Variants in UNC13B observed in about 807,000 individuals in gnomAD.
The protein encoded by UNC13B is unc-13 homolog B.
Under a neutral mutation model 211.0 loss-of-function variants are expected in UNC13B, and 144 were observed. The ratio of observed to expected loss-of-function variants is 0.68; its 90% CI spans 0.60 to 0.78. The LOEUF is 0.78. UNC13B is among the 30% of genes least tolerant of loss of function. UNC13B has a pLI of 0.00. For missense variants in UNC13B, 1,777 were observed against 2,002.0 expected, an observed-to-expected ratio of 0.89 and a Z score of 2.14; for synonymous variants, 709 against 725.8, an observed-to-expected ratio of 0.98 and a Z score of 0.37.
intron 7 of UNC13B, 24 bp downstream of exon 7, chr9:35,259,074 ATC>A: frequency 6.2e-7 from 1 of 1,612,092 alleles, no homozygotes; most frequent in Non-Finnish European, 8.5e-7. Flanking sequence ...TTGTCTATGA[ATC>A]TCTTTTAATT....
chr9:35,387,291 T>C (rs1044104345), intron 24 of UNC13B, among the ~76,000 whole-genome samples: 1 of 152,222 alleles, frequency 6.6e-6, no homozygotes, highest in Non-Finnish European at 1.5e-5. Context: ...CAGGACAACC[T>C]AAATGTCTTG....
Position 35,302,141 on chromosome 9 carries a change from G to T in UNC13B, c.2737G>T (p.Glu913Ter), listed in dbSNP as rs1399996328. 1 of 398,526 alleles carries T rather than the reference G, an allele frequency of 2.5e-6. No homozygotes were observed. The highest frequency in any genetic ancestry group is 4.4e-6 in the Non-Finnish European group (1 of 225,804). 24.7% of individuals were successfully genotyped at this position (398,526 alleles called of 1,614,324 possible). A position where few individuals can be genotyped will look rare whatever the true frequency, so the allele number is the denominator to read the frequency against. The change falls in exon 9 of 40, where the codon GAG becomes TAG. Residue 913 changes from glutamate (E) to a stop codon, truncating the protein, a stop_gained. Coordinates refer to ENST00000635942, the MANE Select transcript of UNC13B (RefSeq NM_001371189.2). LOFTEE classifies it high-confidence loss of function. ...ACGTGGCTCAGCAGTAACCACTGAT[G>T]AGGAGAGCAAAAAAAATTGCCATGA... is the stretch of plus-strand genomic sequence containing the variant. ...SLRGSAVTTDEESKKNCHEDT... is the reference protein window; with the variant it reads ...SLRGSAVTTD
At chr9:35,320,451 C>T (rs937819890) in intron 11 of UNC13B, among the ~76,000 whole-genome samples, 1 of 152,192 alleles carries the variant, frequency 6.6e-6, no homozygotes, top group East Asian at 1.9e-4. Flanking sequence ...TCTTTCCTAA[C>T]CCATCAGTAA....
At chr9:35,372,271 C>CCAAA (rs572411831) in intron 13 of UNC13B, among the ~76,000 whole-genome samples, 30 of 152,304 alleles carry the variant, frequency 2.0e-4, no homozygotes, top group East Asian at 7.7e-4. Flanking sequence ...GACTCTGTCT[C>CCAAA]CAAACAAACA....
At chr9:35,289,467 G>C (rs776247798) in intron 7 of UNC13B, among the ~76,000 whole-genome samples, 2 of 152,110 alleles carry the variant, frequency 1.3e-5, no homozygotes, top group African/African-American at 4.8e-5. Flanking sequence ...ACCTGGTAAC[G>C]TGACAAAATA....
rs1829752376 is a variant in UNC13B, at chr9:35,302,836, A to T, written c.3432A>T (p.Gln1144His). The T allele has an allele frequency of 2.5e-6, 1 of 398,698 alleles. No homozygotes were observed. 24.7% of individuals were successfully genotyped at this position (398,698 alleles called of 1,614,324 possible). ...ATAAGACTTCCAAGAAAAATACCCAAGGAAGCTTCCTTTCTGGCCTGTTTA... is the reference window on the plus strand; with the variant it reads ...ATAAGACTTCCAAGAAAAATACCCATGGAAGCTTCCTTTCTGGCCTGTTTA... ...VIDKTSKKNTQGSFLSGLFNR... is the reference protein window; with the variant it reads ...VIDKTSKKNTHGSFLSGLFNR... The change falls in exon 9 of 40, where the codon CAA becomes CAT. Residue 1144 changes from glutamine (Q) to histidine (H), a missense_variant. By Grantham distance (24) the Gln-to-His change is conservative (BLOSUM62 0). Coordinates refer to ENST00000635942, the MANE Select transcript of UNC13B (RefSeq NM_001371189.2).
Position 35,402,644 on chromosome 9 carries a change from A to C in UNC13B, c.12485-523A>C, listed in dbSNP as rs560531667. ...GGGAGCCTGTAGATTGGCTCTTTTC[A>C]GAGATTGGAACTGGGGAGTTCATTC... On this transcript the variant is annotated intron_variant, in intron 37 of 39. Transcript: ENST00000635942. 1.7e-3 allele frequency among the ~76,000 whole-genome samples: 254 copies of C among 152,100 alleles called. 1 individual carries two copies. The highest frequency in any genetic ancestry group is 5.8e-3 in the African/African-American group (239 of 41,482).
intron 7 of UNC13B, among the ~76,000 whole-genome samples, chr9:35,281,952 G>C (rs1828520473): frequency 6.6e-6 from 1 of 152,210 alleles, no homozygotes; most frequent in Non-Finnish European, 1.5e-5. Flanking sequence ...GGAAGGGTCA[G>C]ATGAGGCCAG....
At position 35,397,291 on chromosome 9, in the gene UNC13B, A is replaced by G. The variant is rs370745816; in HGVS notation, c.11657A>G (p.Tyr3886Cys). 8 of 1,613,936 alleles carry G rather than the reference A, an allele frequency of 5.0e-6. 1 individual carries two copies. Among genetic ancestry groups the G allele is most frequent in the Non-Finnish European group, 6.8e-6 (8 of 1,180,008 alleles). Residue 3886 changes from tyrosine (Y) to cysteine (C), a missense_variant, in exon 29 of 40, where the codon TAC becomes TGC. By Grantham distance (194) the Tyr-to-Cys change is radical (BLOSUM62 -2). Transcript: ENST00000635942. ...CCAGACCCCAGCATCCTTGCCCACTACATGAGGAGGTTTGCTAAGGTGACC... is the reference window on the plus strand; with the variant it reads ...CCAGACCCCAGCATCCTTGCCCACTGCATGAGGAGGTTTGCTAAGGTGACC... Reference protein sequence around the residue: ...ECPDPSILAHYMRRFAKTIGK... With the variant: ...ECPDPSILAHCMRRFAKTIGK...
chr9:35,177,338 A>G (rs1821693374), intron 1 of UNC13B, among the ~76,000 whole-genome samples: 1 of 152,164 alleles, frequency 6.6e-6, no homozygotes, highest in Non-Finnish European at 1.5e-5. Context: ...CATAAGGTGG[A>G]AAGTTAGCGG....
At chr9:35,314,805 A>G (rs1242994615) in intron 11 of UNC13B, among the ~76,000 whole-genome samples, 3 of 147,120 alleles carry the variant, frequency 2.0e-5, no homozygotes, top group African/African-American at 7.5e-5. Context: ...TGGTGTGTAT[A>G]TATATATATA....
rs535369902 is a variant in UNC13B, at chr9:35,300,748, T to A, written c.1344T>A (p.Ile448=). The A allele has an allele frequency of 3.0e-5, 12 of 398,926 alleles. No individual in the cohort carries two copies. The highest frequency in any genetic ancestry group is 2.5e-4 in the African/African-American group (12 of 48,744). The allele number at this position is 398,926 out of a possible 1,614,324, so 24.7% of individuals were successfully genotyped here. A position where few individuals can be genotyped will look rare whatever the true frequency, so the allele number is the denominator to read the frequency against. The change falls in exon 9 of 40, where the codon ATT becomes ATA. Residue 448 remains isoleucine (I), a synonymous_variant. Coordinates refer to ENST00000635942, the MANE Select transcript of UNC13B (RefSeq NM_001371189.2). ...TAGAAGAGATAACCCCTTCCTCTAT[T>A]GAGGAGCCCAAGGAGGACCGTATTG... The part of the protein sequence containing the change: ...CSIEEITPSS[I]EEPKEDRIDT...
chr9:35,310,526 TAAGTG>T lies in UNC13B; in HGVS notation c.9071_9075del (p.Ser3024ThrfsTer9). 3 of 1,614,134 alleles carry T rather than the reference TAAGTG, an allele frequency of 1.9e-6. No homozygotes were observed. Among genetic ancestry groups the T allele is most frequent in the Non-Finnish European group, 1.7e-6 (2 of 1,180,010 alleles). ...AATGTGAGTCAAGGAAGCTCTCAGC[TAAGTG>T]AACTAGACCAGTATCACGAACAAGA... On this transcript the variant is annotated frameshift_variant, in exon 10 of 40. Coordinates refer to ENST00000635942, the MANE Select transcript of UNC13B (RefSeq NM_001371189.2). LOFTEE classifies it high-confidence loss of function.
At chr9:35,365,852 C>T (rs1833739047) in intron 11 of UNC13B, among the ~76,000 whole-genome samples, 1 of 152,204 alleles carries the variant, frequency 6.6e-6, no homozygotes, top group Admixed American at 6.5e-5. Context: ...CATAGACAAC[C>T]TAAGAGGAGT....
chr9:35,296,345 A>G (rs1829359348), intron 8 of UNC13B, among the ~76,000 whole-genome samples: 2 of 152,258 alleles, frequency 1.3e-5, no homozygotes, highest in Non-Finnish European at 2.9e-5. Context: ...ATGATTTCTT[A>G]TAGCAGATTC....
At position 35,249,284 on chromosome 9, in the gene UNC13B, ATTGATGAGTC is replaced by A. The variant is rs529974696; in HGVS notation, c.468+5925_468+5934del. 7.5e-4 allele frequency among the ~76,000 whole-genome samples: 114 copies of A among 152,310 alleles called. 1 individual carries two copies. The South Asian group carries it at 0.018, about 25-fold the overall frequency. On this transcript the variant is annotated intron_variant, in intron 6 of 39. Transcript: ENST00000635942. ...GCGACGGGCTTCCTGAGTACAGCACATTGATGAGTCTTGACTCTTTATCCAATTTGCCAGT... is the reference window on the plus strand; with the variant it reads ...GCGACGGGCTTCCTGAGTACAGCACATTGACTCTTTATCCAATTTGCCAGT...
chr9:35,284,835 C>A (rs750114661), intron 7 of UNC13B, among the ~76,000 whole-genome samples: 14 of 152,168 alleles, frequency 9.2e-5, no homozygotes, highest in Non-Finnish European at 2.1e-4. Context: ...AGACAGATGG[C>A]TGTTCACATG....
In UNC13B at chr9:35,308,109, C is replaced by A. The variant is rs1587587629; in HGVS notation, c.8705C>A (p.Ser2902Tyr). ...AQPGKVYTQP[S>Y]GTSEQLVASP... is the part of the protein sequence containing the mutation. ...CCAGGTAAAGTCTACACTCAGCCCT[C>A]TGGGACCTCTGAGCAGCTGGTGGCC... Residue 2902 changes from serine to tyrosine, a missense_variant, in exon 9 of 40, where the codon TCT becomes TAT. Ser to Tyr is a moderately radical substitution (Grantham distance 144, BLOSUM62 -2). Transcript: ENST00000635942. The A allele has an allele frequency of 7.5e-6, 3 of 399,072 alleles. No homozygotes were observed. The East Asian group carries it at 1.1e-4, about 14-fold the overall frequency. The allele number at this position is 399,072 out of a possible 1,614,324, so 24.7% of individuals were successfully genotyped here. A position where few individuals can be genotyped will look rare whatever the true frequency, so the allele number is the denominator to read the frequency against.
intron 11 of UNC13B, among the ~76,000 whole-genome samples, chr9:35,365,945 C>G (rs1490964597): frequency 6.6e-6 from 1 of 152,042 alleles, no homozygotes; most frequent in Non-Finnish European, 1.5e-5. Context: ...TCTGTCCTAT[C>G]TGTCCCTATT....
Sources: gnomAD v4.1 joint callset for allele counts (sites outside exome capture counted in the v4.1 genomes callset) on GRCh38, gnomAD v4.1.1 for gene constraint, MANE v1.5 for transcripts, NCBI Gene and HGNC (gene_info 2026-07-23, HGNC 2026-07-21) for gene names.